The following EID1 variants were observed in gnomAD, a reference collection of about 807,000 sequenced individuals.
EID1 encodes the protein EP300-interacting inhibitor of differentiation 1.
A neutral mutation model predicts 13.7 loss-of-function variants in EID1; 3 were observed. The observed-to-expected ratio is 0.22, with a 90% CI of 0.10 to 0.57. The LOEUF (loss-of-function observed/expected upper bound fraction) is 0.57, where lower values mean the gene tolerates loss of function less well. Ranked by LOEUF, EID1 falls within the 20% of genes least tolerant of loss-of-function variation. The probability of loss-of-function intolerance (pLI) is 0.92; values close to 1 mark genes in which losing one functional copy is unlikely to be tolerated. For synonymous variants in EID1, 105 were observed against 97.6 expected (o/e 1.08, Z -0.44); for missense variants, 261 against 247.6 (o/e 1.05, Z -0.36).
chr15:48,880,076 A>G lies in EID1; in HGVS notation c.*1336A>G, dbSNP rs959868057. 1 of 167,138 alleles carries G rather than the reference A, an allele frequency of 6.0e-6. No individual in the cohort carries two copies. The allele number at this position is 167,138 out of a possible 1,614,324, so 10.4% of individuals were successfully genotyped here. A position where few individuals can be genotyped will look rare whatever the true frequency, so the allele number is the denominator to read the frequency against. Reference sequence around the variant, plus strand: ...ATGATTACATCAGAAGGCTAGGTTCAGCAAAATAAGTGTATCAGCAGGTTT... The same window carrying G: ...ATGATTACATCAGAAGGCTAGGTTCGGCAAAATAAGTGTATCAGCAGGTTT... On this transcript the variant is annotated 3_prime_UTR_variant, in exon 1 of 1. Transcript: ENST00000530028.
In EID1 at chr15:48,879,680, T is replaced by TA. The variant is rs1899902041; in HGVS notation, c.*943dup. On this transcript the variant is annotated 3_prime_UTR_variant, in exon 1 of 1. Coordinates refer to ENST00000530028, the MANE Select transcript of EID1 (RefSeq NM_014335.3). ...TATGAACAGTTATTCTATCAACTTT[T>TA]AAAGGTTTTAAACCTGCCCAGAAAT... 1 of 167,116 alleles carries TA rather than the reference T, an allele frequency of 6.0e-6. No individual in the cohort carries two copies. The highest frequency in any genetic ancestry group is 1.5e-5 in the Non-Finnish European group (1 of 68,126). 10.4% of individuals were successfully genotyped at this position (167,116 alleles called of 1,614,324 possible).
rs769474048 is a variant in EID1 at position 48,878,409 on chromosome 15, G to A, written c.233G>A (p.Gly78Glu). 3.7e-5 allele frequency: 59 copies of A among 1,612,082 alleles called. No individual in the cohort carries two copies. The highest frequency in any genetic ancestry group is 4.8e-5 in the Non-Finnish European group (57 of 1,178,958). ...GAGGGGAAACGGAGCCTTGCTAACG[G>A]GCCCAACGCTGGGGAGCAGCCAGGC... is the stretch of plus-strand genomic sequence containing the variant. ...APEGKRSLANGPNAGEQPGQV... is the reference protein window; with the variant it reads ...APEGKRSLANEPNAGEQPGQV... Residue 78 changes from glycine to glutamate, a missense_variant, in exon 1 of 1, where the codon GGG becomes GAG. Physicochemically the swap from Gly to Glu is moderately conservative, Grantham distance 98. This residue lies in a region of EID1 where 244 missense variants were observed against 210.8 expected (regional missense o/e 1.16). Coordinates refer to ENST00000530028, the MANE Select transcript of EID1 (RefSeq NM_014335.3).
chr15:48,878,498 G>C lies in EID1; in HGVS notation c.322G>C (p.Asp108His). The change falls in exon 1 of 1, where the codon GAC becomes CAC. Residue 108 changes from aspartate (D) to histidine (H), a missense_variant. Coordinates refer to ENST00000530028, the MANE Select transcript of EID1 (RefSeq NM_014335.3). ...EGEEFDDWED[D>H]YDYPEEEQLS... ...CGAGGAATTTGATGACTGGGAGGAC[G>C]ACTACGACTATCCCGAAGAGGAGCA... The C allele has an allele frequency of 6.2e-7, 1 of 1,614,022 alleles. No homozygotes were observed. Among genetic ancestry groups the C allele is most frequent in the Admixed American group, 1.7e-5 (1 of 60,024 alleles).
In EID1 at chr15:48,878,669, C is replaced by T; in HGVS notation, c.493C>T (p.Leu165Phe). The T allele has an allele frequency of 1.2e-6, 2 of 1,613,972 alleles. No homozygotes were observed. The highest frequency in any genetic ancestry group is 1.7e-6 in the Non-Finnish European group (2 of 1,179,872). The change falls in exon 1 of 1, where the codon CTT (leucine) becomes TTT (phenylalanine). Residue 165 changes from leucine (L) to phenylalanine (F), a missense_variant. Around this residue, in one of 2 missense-constraint regions of EID1, gnomAD observed 17 missense variants for 36.7 expected, o/e 0.46. Transcript: ENST00000530028. ...PFDQLAFIEELFSLMVVNRLT... is the reference protein window; with the variant it reads ...PFDQLAFIEEFFSLMVVNRLT... ...TGATCAGTTAGCTTTTATCGAAGAG[C>T]TTTTTTCACTGATGGTTGTCAATCG...
chr15:48,878,394 G>T lies in EID1; in HGVS notation c.218G>T (p.Arg73Leu), dbSNP rs532770133. 2 of 1,611,996 alleles carry T rather than the reference G, an allele frequency of 1.2e-6. No individual in the cohort carries two copies. Among genetic ancestry groups the T allele is most frequent in the African/African-American group, 1.3e-5 (1 of 74,928 alleles). Residue 73 changes from arginine (R) to leucine (L), a missense_variant, in exon 1 of 1, where the codon CGG (arginine) becomes CTG (leucine). Around this residue, in one of 2 missense-constraint regions of EID1, gnomAD observed 244 missense variants for 210.8 expected, o/e 1.16. Coordinates refer to ENST00000530028, the MANE Select transcript of EID1 (RefSeq NM_014335.3). ...AQPMAAPEGK[R>L]SLANGPNAGE... ...CCAATGGCGGCGCCAGAGGGGAAAC[G>T]GAGCCTTGCTAACGGGCCCAACGCT...
chr15:48,878,855 T>G lies in EID1; in HGVS notation c.*115T>G. ...TTGAAAAACTTGACCTTCAAAAAAA[T>G]TTGTTTTTCAGAATAGAACACAATA... On this transcript the variant is annotated 3_prime_UTR_variant, in exon 1 of 1. Coordinates refer to ENST00000530028, the MANE Select transcript of EID1 (RefSeq NM_014335.3). 1 of 1,058,772 alleles carries G rather than the reference T, an allele frequency of 9.4e-7. No individual in the cohort carries two copies. Among genetic ancestry groups the G allele is most frequent in the Non-Finnish European group, 1.4e-6 (1 of 740,448 alleles). 65.6% of individuals were successfully genotyped at this position (1,058,772 alleles called of 1,614,324 possible).
rs1390967333 is a variant in EID1, at chr15:48,878,476, G to A, written c.300G>A (p.Glu100=). ...ACTTCGAGAGCGAGGACGAGGGCGA[G>A]GAATTTGATGACTGGGAGGACGACT... ...GADFESEDEG[E]EFDDWEDDYD... is the part of the protein sequence containing the mutation. The change falls in exon 1 of 1, where the codon GAG becomes GAA. Residue 100 remains glutamate (E), a synonymous_variant. Transcript: ENST00000530028. 6.2e-7 allele frequency: 1 copy of A among 1,613,902 alleles called. No homozygotes were observed. Among genetic ancestry groups the A allele is most frequent in the Non-Finnish European group, 8.5e-7 (1 of 1,179,816 alleles).
chr15:48,879,858 A>G lies in EID1; in HGVS notation c.*1118A>G, dbSNP rs1487115458. The G allele has an allele frequency of 1.2e-5, 2 of 166,998 alleles. No individual in the cohort carries two copies. The highest frequency in any genetic ancestry group is 2.9e-5 in the Non-Finnish European group (2 of 68,104). 10.3% of individuals were successfully genotyped at this position (166,998 alleles called of 1,614,324 possible). On this transcript the variant is annotated 3_prime_UTR_variant, in exon 1 of 1. Transcript: ENST00000530028. ...ATACTTTCTCTGTATACTACTTTCT[A>G]TTGTATGTGTTAACCAGTATTAAGG...
Position 48,878,227 on chromosome 15 carries a change from G to C in EID1, c.51G>C (p.Leu17=), listed in dbSNP as rs760153998. ...AGCTGTATGAAGAGAGCAGTGACCT[G>C]CAGATGGATGTGATGCCTGGCGAGG... ...LSELYEESSD[L]QMDVMPGEGD... Residue 17 remains leucine, a synonymous_variant, in exon 1 of 1, where the codon CTG becomes CTC. Transcript: ENST00000530028. 1.2e-6 allele frequency: 2 copies of C among 1,606,050 alleles called. No individual in the cohort carries two copies. Among genetic ancestry groups the C allele is most frequent in the Non-Finnish European group, 1.7e-6 (2 of 1,175,452 alleles).
rs750781501 is a variant in EID1, at chr15:48,878,731, TAG to T, written c.560_561del (p.Glu187ValfsTer6). ...AACTCGGCTGTGATGAGATTATTGA[TAG>T]AGAGTAGTTAGATGCTGTTAAAAGA... is the stretch of plus-strand genomic sequence containing the variant. ...EELGCDEIID[R>X]E is the part of the protein sequence containing the mutation. On this transcript the variant is annotated frameshift_variant, in exon 1 of 1. Coordinates refer to ENST00000530028, the MANE Select transcript of EID1 (RefSeq NM_014335.3). LOFTEE classifies it high-confidence loss of function. 1.2e-5 allele frequency: 19 copies of T among 1,612,502 alleles called. No homozygotes were observed. Among genetic ancestry groups the T allele is most frequent in the Admixed American group, 1.2e-4 (7 of 59,944 alleles).
At position 48,878,546 on chromosome 15, in the gene EID1, G is replaced by A; in HGVS notation, c.370G>A (p.Val124Ile). ...EEQLSGAGYR[V>I]SAALEEADKM... The stretch of plus-strand genomic sequence containing the variant: ...GCAGCTCAGTGGTGCCGGCTACAGA[G>A]TATCAGCCGCTCTTGAAGAAGCCGA... The change falls in exon 1 of 1, where the codon GTA becomes ATA. Residue 124 changes from valine (V) to isoleucine (I), a missense_variant. Val to Ile is a conservative substitution (Grantham distance 29, BLOSUM62 3). Transcript: ENST00000530028. 1.9e-6 allele frequency: 3 copies of A among 1,614,088 alleles called. No individual in the cohort carries two copies. The highest frequency in any genetic ancestry group is 1.6e-4 in the Middle Eastern group (1 of 6,062).
At position 48,880,140 on chromosome 15, in the gene EID1, C is replaced by T. The variant is rs923973776; in HGVS notation, c.*1400C>T. On this transcript the variant is annotated 3_prime_UTR_variant, in exon 1 of 1. Transcript: ENST00000530028. ...AAAAATGTTCCAAATGCTTCTGCTC[C>T]ATTATAGCAGTAAAGAACGAATATC... 2 of 167,082 alleles carry T rather than the reference C, an allele frequency of 1.2e-5. No homozygotes were observed. The highest frequency in any genetic ancestry group is 1.9e-4 in the East Asian group (1 of 5,202). 10.3% of individuals were successfully genotyped at this position (167,082 alleles called of 1,614,324 possible).
chr15:48,880,113 G>A lies in EID1; in HGVS notation c.*1373G>A, dbSNP rs1335305471. On this transcript the variant is annotated 3_prime_UTR_variant, in exon 1 of 1. Coordinates refer to ENST00000530028, the MANE Select transcript of EID1 (RefSeq NM_014335.3). Reference sequence around the variant, plus strand: ...GTATCAGCAGGTTTTATCATGATCAGTAAAAATGTTCCAAATGCTTCTGCT... The same window carrying A: ...GTATCAGCAGGTTTTATCATGATCAATAAAAATGTTCCAAATGCTTCTGCT... 6.0e-6 allele frequency: 1 copy of A among 167,094 alleles called. No individual in the cohort carries two copies. Among genetic ancestry groups the A allele is most frequent in the Non-Finnish European group, 1.5e-5 (1 of 68,124 alleles). The allele number at this position is 167,094 out of a possible 1,614,324, so 10.4% of individuals were successfully genotyped here. A position where few individuals can be genotyped will look rare whatever the true frequency, so the allele number is the denominator to read the frequency against.
chr15:48,878,896 A>G lies in EID1; in HGVS notation c.*156A>G. 1.8e-6 allele frequency: 1 copy of G among 568,920 alleles called. No homozygotes were observed. 35.2% of individuals were successfully genotyped at this position (568,920 alleles called of 1,614,324 possible). On this transcript the variant is annotated 3_prime_UTR_variant, in exon 1 of 1. Coordinates refer to ENST00000530028, the MANE Select transcript of EID1 (RefSeq NM_014335.3). ...GAACACAATAGGACAGTGACTGCAC[A>G]GTTGTGAAAAAGGAAGAGAATCATT... is the stretch of plus-strand genomic sequence containing the variant.
Position 48,878,416 on chromosome 15 carries a change from C to G in EID1, c.240C>G (p.Asn80Lys), listed in dbSNP as rs762791119. 1.2e-6 allele frequency: 2 copies of G among 1,611,852 alleles called. No homozygotes were observed. The highest frequency in any genetic ancestry group is 1.3e-5 in the African/African-American group (1 of 74,924). The change falls in exon 1 of 1, where the codon AAC (asparagine) becomes AAG (lysine). Residue 80 changes from asparagine (N) to lysine (K), a missense_variant. Asn to Lys is a moderately conservative substitution (Grantham distance 94, BLOSUM62 0). Coordinates refer to ENST00000530028, the MANE Select transcript of EID1 (RefSeq NM_014335.3). Reference protein sequence around the residue: ...EGKRSLANGPNAGEQPGQVAG... With the variant: ...EGKRSLANGPKAGEQPGQVAG... ...AACGGAGCCTTGCTAACGGGCCCAA[C>G]GCTGGGGAGCAGCCAGGCCAGGTGG...
In EID1 at chr15:48,878,201, G is replaced by A; in HGVS notation, c.25G>A (p.Glu9Lys). The A allele has an allele frequency of 1.9e-6, 3 of 1,572,320 alleles. No individual in the cohort carries two copies. Among genetic ancestry groups the A allele is most frequent in the Non-Finnish European group, 2.6e-6 (3 of 1,155,302 alleles). Residue 9 changes from glutamate (E) to lysine (K), a missense_variant, in exon 1 of 1, where the codon GAG becomes AAG. By Grantham distance (56) the Glu-to-Lys change is moderately conservative. This residue lies in a region of EID1 where 244 missense variants were observed against 210.8 expected (regional missense o/e 1.16). Coordinates refer to ENST00000530028, the MANE Select transcript of EID1 (RefSeq NM_014335.3). ...AATGTCGGAAATGGCTGAGTTGTCC[G>A]AGCTGTATGAAGAGAGCAGTGACCT... MSEMAELS[E>K]LYEESSDLQM...
At position 48,879,775 on chromosome 15, in the gene EID1, T is replaced by C. The variant is rs1051676234; in HGVS notation, c.*1035T>C. On this transcript the variant is annotated 3_prime_UTR_variant, in exon 1 of 1. Coordinates refer to ENST00000530028, the MANE Select transcript of EID1 (RefSeq NM_014335.3). ...GCTTGTTATTTGTCATGCACCAGCA[T>C]TGGAGATAATAAAATTTCTTGTTCT... is the stretch of plus-strand genomic sequence containing the variant. 5 of 167,232 alleles carry C rather than the reference T, an allele frequency of 3.0e-5. No homozygotes were observed. The South Asian group carries it at 1.0e-3, about 35-fold the overall frequency. 10.4% of individuals were successfully genotyped at this position (167,232 alleles called of 1,614,324 possible).
rs1458672361 is a variant in EID1, at chr15:48,878,897, G to C, written c.*157G>C. The C allele has an allele frequency of 3.5e-6, 2 of 566,832 alleles. No homozygotes were observed. The highest frequency in any genetic ancestry group is 3.7e-5 in the African/African-American group (2 of 53,570). 35.1% of individuals were successfully genotyped at this position (566,832 alleles called of 1,614,324 possible). A position where few individuals can be genotyped will look rare whatever the true frequency, so the allele number is the denominator to read the frequency against. ...AACACAATAGGACAGTGACTGCACA[G>C]TTGTGAAAAAGGAAGAGAATCATTA... On this transcript the variant is annotated 3_prime_UTR_variant, in exon 1 of 1. Coordinates refer to ENST00000530028, the MANE Select transcript of EID1 (RefSeq NM_014335.3).
rs368986494 is a variant in EID1, at chr15:48,878,530, T to C, written c.354T>C (p.Ser118=). 4.3e-5 allele frequency: 70 copies of C among 1,614,036 alleles called. 1 individual carries two copies. In the East Asian group the frequency reaches 1.1e-3, roughly 25 times the overall value. The change falls in exon 1 of 1, where the codon AGT becomes AGC. Residue 118 remains serine (S), a synonymous_variant. Coordinates refer to ENST00000530028, the MANE Select transcript of EID1 (RefSeq NM_014335.3). Reference sequence around the variant, plus strand: ...ACTATCCCGAAGAGGAGCAGCTCAGTGGTGCCGGCTACAGAGTATCAGCCG... The same window carrying C: ...ACTATCCCGAAGAGGAGCAGCTCAGCGGTGCCGGCTACAGAGTATCAGCCG... ...DYDYPEEEQL[S]GAGYRVSAAL...
Sources: gnomAD v4.1 joint callset for allele counts on GRCh38, gnomAD v4.1.1 for gene constraint, gnomAD v4.1.1 regional missense constraint, MANE v1.5 for transcripts, NCBI Gene and HGNC (gene_info 2026-07-23, HGNC 2026-07-21) for gene names.